PCSK6: variants seen among roughly 807,000 people sequenced by gnomAD.
PCSK6 encodes the protein proprotein convertase subtilisin/kexin type 6.
A neutral mutation model predicts 123.3 loss-of-function variants in PCSK6; 85 were observed. That is an observed-to-expected ratio of 0.69 (90% CI 0.58 to 0.83). PCSK6 has a LOEUF of 0.83. Ranked by LOEUF, PCSK6 falls within the 40% of genes least tolerant of loss-of-function variation. The pLI is 0.00. For synonymous variants in PCSK6, 508 were observed against 516.0 expected, an observed-to-expected ratio of 0.98 and a Z score of 0.21; for missense variants, 1,191 against 1,282.3, an observed-to-expected ratio of 0.93 and a Z score of 1.09.
chr15:101,433,139 G>A (rs1157493040), intron 2 of PCSK6, among the ~76,000 whole-genome samples: 2 of 152,188 alleles, frequency 1.3e-5, no homozygotes, highest in Non-Finnish European at 2.9e-5. Context: ...ACCCAGCCCC[G>A]TGCTCACCAG....
intron 2 of PCSK6, among the ~76,000 whole-genome samples, chr15:101,435,078 G>C (rs1036969508): frequency 6.6e-6 from 1 of 152,140 alleles, no homozygotes; most frequent in Admixed American, 6.5e-5. Context: ...GGACCAAAGT[G>C]CCTCCCCCTC....
intron 6 of PCSK6, among the ~76,000 whole-genome samples, chr15:101,406,737 G>A (rs188135697): frequency 6.6e-5 from 10 of 152,274 alleles, no homozygotes; most frequent in Admixed American, 4.6e-4. Context: ...TGTCAAGGCA[G>A]ACCTACGTTC....
intron 13 of PCSK6, among the ~76,000 whole-genome samples, chr15:101,365,433 C>T (rs1358315836): frequency 6.6e-6 from 1 of 152,276 alleles, no homozygotes; most frequent in African/African-American, 2.4e-5. Context: ...TGTGAAGGAG[C>T]TGGACCTCTC....
chr15:101,405,512 C>T (rs2042746390), intron 6 of PCSK6, among the ~76,000 whole-genome samples: 1 of 152,142 alleles, frequency 6.6e-6, no homozygotes, highest in Admixed American at 6.5e-5. Flanking sequence ...ACCAATCCCC[C>T]CACTGACAAT....
chr15:101,460,237 C>G (rs1248558837), intron 1 of PCSK6, among the ~76,000 whole-genome samples: 2 of 152,196 alleles, frequency 1.3e-5, no homozygotes, highest in Non-Finnish European at 2.9e-5. Flanking sequence ...TCTCCTGCCC[C>G]TCTTCTAAAG....
intron 1 of PCSK6, among the ~76,000 whole-genome samples, chr15:101,466,512 G>A (rs1264075808): frequency 1.3e-5 from 2 of 152,234 alleles, no homozygotes; most frequent in South Asian, 2.1e-4. Flanking sequence ...CCCTAGAAAG[G>A]TAAAAACATA....
chr15:101,439,164 G>A (rs556212619), intron 2 of PCSK6, among the ~76,000 whole-genome samples: 111 of 152,304 alleles, frequency 7.3e-4, no homozygotes, highest in Middle Eastern at 6.8e-3. Flanking sequence ...CAGGTTGTAC[G>A]GGAGGTGGAA....
At chr15:101,309,139 C>T (rs1596162913) in intron 20 of PCSK6, 3 of 152,762 alleles carry the variant, frequency 2.0e-5, no homozygotes, top group South Asian at 2.1e-4. Flanking sequence ...AGCGGCTCCC[C>T]GCTATGCAGG....
intron 5 of PCSK6, among the ~76,000 whole-genome samples, chr15:101,429,379 G>T (rs2056370102): frequency 6.6e-6 from 1 of 152,122 alleles, no homozygotes; most frequent in African/African-American, 2.4e-5. Flanking sequence ...GGAAGAATCT[G>T]CTGGGTGCAT....
At chr15:101,343,427 A>C (rs1030210316) in intron 13 of PCSK6, among the ~76,000 whole-genome samples, 3 of 151,916 alleles carry the variant, frequency 2.0e-5, no homozygotes, top group African/African-American at 7.3e-5. Flanking sequence ...CTTAAGTTGG[A>C]TGCTTAGCAC....
intron 6 of PCSK6, 69 bp downstream of exon 6, chr15:101,427,823 C>A (rs534342423): frequency 2.2e-5 from 27 of 1,244,658 alleles, no homozygotes; most frequent in Middle Eastern, 2.3e-4. Flanking sequence ...CTGAGACCAG[C>A]GGACAGGGAG....
rs777276043 is a variant in PCSK6 at position 101,307,251 on chromosome 15, A to G, written c.2774T>C (p.Leu925Pro). 1.8e-4 allele frequency: 288 copies of G among 1,613,710 alleles called. No homozygotes were observed. The highest frequency in any genetic ancestry group is 2.4e-4 in the Non-Finnish European group (279 of 1,179,820). ...CSRCKTGFTQ[L>P]GTSCITNHTC... ...GTGGTTGGTGATGCAGGAGGTCCCC[A>G]GCTGTGTGAAGCCCGTCTTACACCT... Residue 925 changes from leucine to proline, a missense_variant, in exon 21 of 22, where the codon CTG becomes CCG. By Grantham distance (98) the Leu-to-Pro change is moderately conservative. Transcript: ENST00000611716.
In PCSK6 at chr15:101,311,045, C is replaced by T. The variant is rs569343428; in HGVS notation, c.2699+2331G>A. On this transcript the variant is annotated intron_variant, in intron 20 of 21. Transcript: ENST00000611716. ...GGTGGATCCCTCATAAATGGCCTCA[C>T]ACCATCCCCTTGGTGATGAGTGAGT... Among the ~76,000 whole-genome samples, 127 of 152,248 alleles carry T rather than the reference C, an allele frequency of 8.3e-4. 3 individuals are homozygous for T. In the South Asian group the frequency reaches 0.025, roughly 31 times the overall value.
Position 101,431,521 on chromosome 15 carries a change from ACACTCG to A in PCSK6, c.514-64_514-59del, listed in dbSNP as rs747975243. 1.7e-5 allele frequency: 28 copies of A among 1,605,948 alleles called. 2 individuals are homozygous for A. The South Asian group carries it at 3.0e-4, about 17-fold the overall frequency. The stretch of plus-strand genomic sequence containing the variant: ...CATGGACATTCCAGATGCAGAACTG[ACACTCG>A]GTGCACACCCCACAGGGAGGCGCTT... On this transcript the variant is annotated intron_variant, in intron 3 of 21. Coordinates refer to ENST00000611716, the MANE Select transcript of PCSK6 (RefSeq NM_002570.5).
intron 1 of PCSK6, among the ~76,000 whole-genome samples, chr15:101,483,590 A>G (rs1378411262): frequency 6.6e-6 from 1 of 152,246 alleles, no homozygotes; most frequent in Non-Finnish European, 1.5e-5. Context: ...TTCCAAGAGC[A>G]GCAGACGCTG....
intron 13 of PCSK6, chr15:101,347,223 A>G (rs1006641334): frequency 1.4e-5 from 17 of 1,232,158 alleles, no homozygotes; most frequent in African/African-American, 3.1e-5. Flanking sequence ...AGCACAGGAT[A>G]GATTGAGCCA....
intron 9 of PCSK6, among the ~76,000 whole-genome samples, chr15:101,385,757 T>C (rs949384582): frequency 1.3e-5 from 2 of 152,198 alleles, no homozygotes; most frequent in Non-Finnish European, 2.9e-5. Context: ...CTTTAAAACA[T>C]GGTAAAGATA....
At chr15:101,318,176 C>T in intron 19 of PCSK6, 143 bp downstream of exon 19, 1 of 637,868 alleles carries the variant, frequency 1.6e-6, no homozygotes. Context: ...CCTGGTAGGG[C>T]CTTTGTACCT....
intron 15 of PCSK6, among the ~76,000 whole-genome samples, chr15:101,326,718 G>A (rs2040263208): frequency 6.6e-6 from 1 of 152,256 alleles, no homozygotes; most frequent in Non-Finnish European, 1.5e-5. Context: ...GATGGCATGA[G>A]AAGGAGTGAA....
Sources: allele counts gnomAD v4.1 joint callset (sites outside exome capture counted in the v4.1 genomes callset), GRCh38; gene constraint gnomAD v4.1.1; transcripts MANE v1.5; gene names NCBI Gene and HGNC (gene_info 2026-07-23, HGNC 2026-07-21).